ADORA2B: variants seen among roughly 807,000 people sequenced by gnomAD.
The protein encoded by ADORA2B is adenosine A2b receptor, also known as adenosine receptor A2b.
A neutral mutation model predicts 20.8 loss-of-function variants in ADORA2B; 18 were observed. That is an observed-to-expected ratio of 0.87 (90% CI 0.60 to 1.29). The LOEUF (loss-of-function observed/expected upper bound fraction) is 1.29, where lower values mean the gene tolerates loss of function less well. Ranked by LOEUF, ADORA2B falls within the 50% of genes most tolerant of loss-of-function variation. The pLI is 0.00. For synonymous variants in ADORA2B, 179 were observed against 178.3 expected (o/e 1.00, Z -0.03); for missense variants, 441 against 422.7 (o/e 1.04, Z -0.38).
intron 1 of ADORA2B, among the ~76,000 whole-genome samples, chr17:15,953,027 C>T (rs1200152928): frequency 6.6e-5 from 10 of 152,218 alleles, no homozygotes; most frequent in African/African-American, 2.4e-4. Context: ...GGCTTCCACT[C>T]AGTCTAGGCT....
intron 1 of ADORA2B, among the ~76,000 whole-genome samples, chr17:15,969,101 C>G: frequency 6.6e-6 from 1 of 152,150 alleles, no homozygotes; most frequent in Non-Finnish European, 1.5e-5. Flanking sequence ...GTGTCCTTCC[C>G]CACATGCCCT....
chr17:15,887,545 G>T, the ADORA2B span, among the ~76,000 whole-genome samples: 1 of 130,686 alleles, frequency 7.7e-6, no homozygotes, highest in East Asian at 2.0e-4. Context: ...TAGCATTGCG[G>T]AAGGGAAGAC....
Position 15,961,939 on chromosome 17 carries a change from C to A in ADORA2B, c.336-12740C>A, listed in dbSNP as rs72821753. Among the ~76,000 whole-genome samples the A allele has an allele frequency of 8.9e-4, 136 of 152,302 alleles. No individual in the cohort carries two copies. In the Middle Eastern group the frequency reaches 0.017, roughly 19 times the overall value. On this transcript the variant is annotated intron_variant, in intron 1 of 1. Transcript: ENST00000304222. The stretch of plus-strand genomic sequence containing the variant: ...CACACCTCTCAGCACTGTTGCATTG[C>A]AGATTAAGTTTCTAACCCATGAACT...
chr17:15,945,351 G>A lies in ADORA2B; in HGVS notation c.103G>A (p.Ala35Thr). 6.2e-7 allele frequency: 1 copy of A among 1,608,824 alleles called. No homozygotes were observed. The highest frequency in any genetic ancestry group is 8.5e-7 in the Non-Finnish European group (1 of 1,179,216). Residue 35 changes from alanine (A) to threonine (T), a missense_variant, in exon 1 of 2, where the codon GCG (alanine) becomes ACG (threonine). Physicochemically the swap from Ala to Thr is moderately conservative, Grantham distance 58. Transcript: ENST00000304222. ...NVLVCAAVGT[A>T]NTLQTPTNYF... Reference sequence around the variant, plus strand: ...GCTGGTGTGCGCCGCGGTGGGCACGGCGAACACTCTGCAGACGCCCACCAA... The same window carrying A: ...GCTGGTGTGCGCCGCGGTGGGCACGACGAACACTCTGCAGACGCCCACCAA...
At chr17:15,959,871 T>C (rs1395059506) in intron 1 of ADORA2B, among the ~76,000 whole-genome samples, 3 of 152,262 alleles carry the variant, frequency 2.0e-5, no homozygotes, top group Non-Finnish European at 4.4e-5. Flanking sequence ...CATATCTTTA[T>C]AGTTGTTCTT....
At chr17:15,956,765 G>A (rs1969971660) in intron 1 of ADORA2B, among the ~76,000 whole-genome samples, 1 of 151,764 alleles carries the variant, frequency 6.6e-6, no homozygotes, top group Non-Finnish European at 1.5e-5. Context: ...ATGCCCAGCT[G>A]ATTTTTGTGT....
chr17:15,923,258 C>T, the ADORA2B span, among the ~76,000 whole-genome samples: 1 of 143,644 alleles, frequency 7.0e-6, no homozygotes, highest in African/African-American at 2.6e-5. Context: ...CCATGTTGGC[C>T]AGGCTGGTCT....
intron 1 of ADORA2B, among the ~76,000 whole-genome samples, chr17:15,946,335 T>C (rs1408544714): frequency 1.3e-5 from 2 of 152,090 alleles, no homozygotes; most frequent in Non-Finnish European, 2.9e-5. Flanking sequence ...GTGCAGAAAA[T>C]GGTGGCGAAC....
chr17:15,863,829 A>G, the ADORA2B span, among the ~76,000 whole-genome samples: 2 of 152,252 alleles, frequency 1.3e-5, no homozygotes, highest in Non-Finnish European at 1.5e-5. Context: ...AACAAAATGT[A>G]GCAAAACTCT....
chr17:15,918,975 G>A, the ADORA2B span, among the ~76,000 whole-genome samples: 1 of 152,152 alleles, frequency 6.6e-6, no homozygotes, highest in Admixed American at 6.5e-5. Flanking sequence ...ACCCAGGCAG[G>A]TCCTGAGCCC....
chr17:15,945,674 C>T (rs1969794397), intron 1 of ADORA2B, 91 bp downstream of exon 1: 1 of 1,268,066 alleles, frequency 7.9e-7, no homozygotes, highest in African/African-American at 1.5e-5. Context: ...CCTCGGGGGC[C>T]CCAGACGGGC....
At chr17:15,870,894 G>A in the ADORA2B span, among the ~76,000 whole-genome samples, 243 of 152,300 alleles carry the variant, frequency 1.6e-3, 1 homozygote, top group African/African-American at 5.4e-3. Context: ...GCAGATGCGC[G>A]GCACTGTGGG....
At chr17:15,955,720 C>CTT (rs150614152) in intron 1 of ADORA2B, among the ~76,000 whole-genome samples, 2,897 of 119,892 alleles carry the variant, frequency 0.024, 119 homozygotes, top group African/African-American at 0.083. Flanking sequence ...CTCTGGGATT[C>CTT]TTTTTTTTTT....
At chr17:15,901,833 G>A in the ADORA2B span, among the ~76,000 whole-genome samples, 1 of 152,090 alleles carries the variant, frequency 6.6e-6, no homozygotes, top group Admixed American at 6.6e-5. Flanking sequence ...GCAAGACCAC[G>A]AGCTCCCAAG....
At chr17:15,881,194 C>A in the ADORA2B span, among the ~76,000 whole-genome samples, 3 of 152,134 alleles carry the variant, frequency 2.0e-5, no homozygotes, top group African/African-American at 7.2e-5. Context: ...CTCTGCCTCC[C>A]GGGTTCAAGT....
chr17:15,883,104 A>G, the ADORA2B span, among the ~76,000 whole-genome samples: 1 of 152,250 alleles, frequency 6.6e-6, no homozygotes, highest in Admixed American at 6.5e-5. Context: ...TTATGATTTT[A>G]GAGGCTGAAT....
the ADORA2B span, chr17:15,864,014 C>T: frequency 5.0e-6 from 1 of 199,228 alleles, no homozygotes; most frequent in Admixed American, 4.7e-5. Context: ...GGATTCTAAA[C>T]ATTAGCATCT....
chr17:15,936,604 G>A, the ADORA2B span, among the ~76,000 whole-genome samples: 1 of 152,222 alleles, frequency 6.6e-6, no homozygotes, highest in Non-Finnish European at 1.5e-5. Context: ...ACAGGCATGA[G>A]CCACTGCACC....
chr17:15,975,152 G>A lies in ADORA2B; in HGVS notation c.809G>A (p.Trp270Ter). 1.9e-6 allele frequency: 3 copies of A among 1,614,190 alleles called. No homozygotes were observed. Among genetic ancestry groups the A allele is most frequent in the Non-Finnish European group, 2.5e-6 (3 of 1,180,032 alleles). ...GCTCAGGGTAAAAATAAGCCCAAGT[G>A]GGCAATGAATATGGCCATTCTTCTG... ...QPAQGKNKPK[W>*]AMNMAILLSH... The change falls in exon 2 of 2, where the codon TGG (tryptophan) becomes TAG (stop). Residue 270 changes from tryptophan to a stop codon, truncating the protein, a stop_gained. Transcript: ENST00000304222. LOFTEE classifies it high-confidence loss of function.
Sources: gnomAD v4.1 joint callset for allele counts (sites outside exome capture counted in the v4.1 genomes callset) on GRCh38, gnomAD v4.1.1 for gene constraint, MANE v1.5 for transcripts, NCBI Gene and HGNC (gene_info 2026-07-23, HGNC 2026-07-21) for gene names.